Variants in PDE4D observed in about 807,000 individuals in gnomAD.
PDE4D encodes the protein 3',5'-cyclic-AMP phosphodiesterase 4D.
In PDE4D, 24 loss-of-function variants were observed where a neutral mutation model predicts 87.4. The observed-to-expected ratio is 0.27, with a 90% CI of 0.20 to 0.39. The LOEUF (loss-of-function observed/expected upper bound fraction) is 0.39. Ranked by LOEUF, PDE4D falls within the 10% of genes least tolerant of loss-of-function variation. PDE4D has a pLI of 1.00. For missense variants in PDE4D, 714 were observed against 1,041.0 expected (o/e 0.69, Z 4.32); for synonymous variants, 384 against 383.2 (o/e 1.00, Z -0.02).
chr5:59,737,324 C>A (rs1758207718), intron 1 of PDE4D, among the ~76,000 whole-genome samples: 1 of 151,900 alleles, frequency 6.6e-6, no homozygotes, highest in Non-Finnish European at 1.5e-5. Flanking sequence ...TACAAAATGC[C>A]TTTCGGTATG....
At chr5:60,049,359 C>T (rs1189391695) in intron 2 of PDE4D, among the ~76,000 whole-genome samples, 1 of 152,202 alleles carries the variant, frequency 6.6e-6, no homozygotes, top group Non-Finnish European at 1.5e-5. Context: ...GCCTTCTTCT[C>T]TCAGCTCATC....
chr5:60,095,013 A>G (rs901425147), intron 2 of PDE4D, among the ~76,000 whole-genome samples: 11 of 152,166 alleles, frequency 7.2e-5, no homozygotes, highest in Non-Finnish European at 7.3e-5. Context: ...AAATATCTAC[A>G]TAATATAATT....
At chr5:60,372,213 C>T (rs1761094579) in intron 1 of PDE4D, among the ~76,000 whole-genome samples, 1 of 151,878 alleles carries the variant, frequency 6.6e-6, no homozygotes, top group Admixed American at 6.6e-5. Context: ...ATTTGCATTT[C>T]CTGCTGGCTA....
chr5:60,085,382 G>A (rs1034230277), intron 2 of PDE4D, among the ~76,000 whole-genome samples: 6 of 152,102 alleles, frequency 3.9e-5, no homozygotes, highest in South Asian at 4.1e-4. Flanking sequence ...TGATTCTTGC[G>A]AAGCCCCTCT....
At chr5:59,761,655 A>C (rs1761981358) in intron 1 of PDE4D, among the ~76,000 whole-genome samples, 1 of 151,862 alleles carries the variant, frequency 6.6e-6, no homozygotes, top group Admixed American at 6.6e-5. Context: ...CCTCCTCCAT[A>C]TCTTGTCCCA....
chr5:60,010,756 T>C (rs532734717), intron 2 of PDE4D, among the ~76,000 whole-genome samples: 1 of 152,324 alleles, frequency 6.6e-6, no homozygotes, highest in South Asian at 2.1e-4. Flanking sequence ...ATTTTGAGAT[T>C]ATCTTTAGTT....
At chr5:60,049,607 C>G (rs575809364) in intron 2 of PDE4D, among the ~76,000 whole-genome samples, 2 of 152,232 alleles carry the variant, frequency 1.3e-5, no homozygotes, top group South Asian at 4.2e-4. Context: ...AGCTGCAGGT[C>G]TGTTGGAGTA....
intron 1 of PDE4D, among the ~76,000 whole-genome samples, chr5:59,501,693 A>C (rs1465230797): frequency 6.6e-6 from 1 of 152,132 alleles, no homozygotes; most frequent in Non-Finnish European, 1.5e-5. Context: ...AAAAGCTTAA[A>C]AAATATTCAG....
intron 1 of PDE4D, among the ~76,000 whole-genome samples, chr5:59,321,811 C>T (rs1774771077): frequency 1.3e-5 from 2 of 152,082 alleles, no homozygotes; most frequent in South Asian, 2.1e-4. Context: ...TACTGTATGA[C>T]CATGTCACCG....
At chr5:59,181,755 G>A (rs1344288075) in intron 4 of PDE4D, among the ~76,000 whole-genome samples, 3 of 151,978 alleles carry the variant, frequency 2.0e-5, no homozygotes, top group Non-Finnish European at 4.4e-5. Context: ...ACAAAACTTT[G>A]AGAATTTGAA....
intron 1 of PDE4D, among the ~76,000 whole-genome samples, chr5:59,651,487 T>G (rs1743495994): frequency 6.6e-6 from 1 of 151,912 alleles, no homozygotes; most frequent in African/African-American, 2.4e-5. Context: ...TTCCAAAATT[T>G]TATTTGGCTG....
At chr5:60,107,368 A>G (rs1351211476) in intron 2 of PDE4D, among the ~76,000 whole-genome samples, 2 of 152,172 alleles carry the variant, frequency 1.3e-5, no homozygotes, top group African/African-American at 2.4e-5. Context: ...AATAATCAAT[A>G]GCTTACCAAC....
chr5:59,678,349 G>T (rs1342773590), intron 1 of PDE4D, among the ~76,000 whole-genome samples: 2 of 151,948 alleles, frequency 1.3e-5, no homozygotes, highest in Non-Finnish European at 2.9e-5. Flanking sequence ...TCATACTTTA[G>T]CCCATATACT....
chr5:60,039,434 G>T, intron 2 of PDE4D, among the ~76,000 whole-genome samples: 1 of 150,008 alleles, frequency 6.7e-6, no homozygotes, highest in Non-Finnish European at 1.5e-5. Context: ...GGGGACTGTT[G>T]TGGGGTGGTG....
intron 5 of PDE4D, among the ~76,000 whole-genome samples, chr5:59,121,578 T>C (rs60564381): frequency 0.23 from 35,012 of 151,732 alleles, 4,854 homozygotes; most frequent in Non-Finnish European, 0.31. Flanking sequence ...AGATGCTGGC[T>C]AGGATGCAGA....
chr5:60,416,571 A>T (rs1034878071), intron 1 of PDE4D, among the ~76,000 whole-genome samples: 1 of 152,166 alleles, frequency 6.6e-6, no homozygotes, highest in African/African-American at 2.4e-5. Flanking sequence ...AGCCAGCAAG[A>T]CCACGAACCC....
chr5:59,873,944 C>T (rs1748179763), intron 1 of PDE4D, among the ~76,000 whole-genome samples: 1 of 152,144 alleles, frequency 6.6e-6, no homozygotes, highest in Non-Finnish European at 1.5e-5. Flanking sequence ...GGCATGGTGG[C>T]TCACACCTGT....
intron 5 of PDE4D, among the ~76,000 whole-genome samples, chr5:59,104,673 A>T (rs558611901): frequency 1.3e-5 from 2 of 152,096 alleles, no homozygotes; most frequent in Non-Finnish European, 2.9e-5. Context: ...GAAAGGGGGA[A>T]CTAGGAAGAA....
chr5:60,080,816 T>C (rs1028258772), intron 2 of PDE4D, among the ~76,000 whole-genome samples: 2 of 152,240 alleles, frequency 1.3e-5, no homozygotes, highest in Admixed American at 6.5e-5. Flanking sequence ...TGGATGTTCA[T>C]CAGGGATATT....
Sources: gnomAD v4.1 joint callset for allele counts (sites outside exome capture counted in the v4.1 genomes callset) on GRCh38, gnomAD v4.1.1 for gene constraint, MANE v1.5 for transcripts, NCBI Gene and HGNC (gene_info 2026-07-23, HGNC 2026-07-21) for gene names.